Variants in OR9Q1 observed in about 807,000 individuals in gnomAD.
The protein encoded by OR9Q1 is olfactory receptor family 9 subfamily Q member 1, also known as olfactory receptor 9Q1.
For missense variants in OR9Q1, 374 were observed against 378.8 expected, an observed-to-expected ratio of 0.99 and a Z score of 0.11; for synonymous variants, 153 against 148.6, an observed-to-expected ratio of 1.03 and a Z score of -0.22.
intron 1 of OR9Q1, among the ~76,000 whole-genome samples, chr11:58,037,515 T>C (rs1853112114): frequency 6.6e-6 from 1 of 151,492 alleles, no homozygotes; most frequent in Non-Finnish European, 1.5e-5. Context: ...TACTGGGTTA[T>C]GTAGTTTTCA....
chr11:58,024,482 G>C (rs1196612729), intron 1 of OR9Q1, among the ~76,000 whole-genome samples: 1 of 152,160 alleles, frequency 6.6e-6, no homozygotes, highest in African/African-American at 2.4e-5. Flanking sequence ...TTTCTCACCA[G>C]GCTTGTCACG....
At chr11:58,032,411 G>A (rs2441961) in intron 1 of OR9Q1, among the ~76,000 whole-genome samples, 50,597 of 151,960 alleles carry the variant, frequency 0.33, 8,854 homozygotes, top group East Asian at 0.68. Context: ...TGCTAGTACA[G>A]AAACAGACAC....
chr11:58,031,284 T>C (rs145072314), intron 1 of OR9Q1: 15 of 1,614,040 alleles, frequency 9.3e-6, no homozygotes, highest in Non-Finnish European at 1.2e-5. Flanking sequence ...TTCACCTTTC[T>C]TGGGGCAACT....
chr11:58,135,417 T>C (rs934206995), intron 2 of OR9Q1, among the ~76,000 whole-genome samples: 3 of 152,142 alleles, frequency 2.0e-5, no homozygotes, highest in African/African-American at 7.2e-5. Context: ...TTTTTCACCA[T>C]TTAAACATTC....
rs533293688 is a variant in OR9Q1, at chr11:58,107,903, A to G, written c.-15+51956A>G. On this transcript the variant is annotated intron_variant, in intron 2 of 2. Coordinates refer to ENST00000335397, the MANE Select transcript of OR9Q1 (RefSeq NM_001005212.4). ...AATTACTTCTATAATCATAGAGGCT[A>G]TTTTTACCTGAGAAAGTAGTATCAA... is the stretch of plus-strand genomic sequence containing the variant. Among the ~76,000 whole-genome samples, 14 of 152,276 alleles carry G rather than the reference A, an allele frequency of 9.2e-5. 1 individual carries two copies. In the South Asian group the frequency reaches 2.9e-3, roughly 32 times the overall value.
chr11:58,076,141 T>C (rs367834964), intron 2 of OR9Q1, among the ~76,000 whole-genome samples: 1 of 152,250 alleles, frequency 6.6e-6, no homozygotes, highest in Non-Finnish European at 1.5e-5. Context: ...AGAAAACTTT[T>C]TGGCCTCTGC....
chr11:58,081,481 T>G (rs921851699), intron 2 of OR9Q1, among the ~76,000 whole-genome samples: 8 of 152,162 alleles, frequency 5.3e-5, no homozygotes, highest in Admixed American at 2.6e-4. Flanking sequence ...CAGCATCTGT[T>G]GTTCCTTGAG....
chr11:58,137,473 T>G (rs937732695), intron 2 of OR9Q1, among the ~76,000 whole-genome samples: 2 of 152,180 alleles, frequency 1.3e-5, no homozygotes, highest in African/African-American at 4.8e-5. Context: ...GGGGCAGTGT[T>G]TCCAACTCAG....
intron 1 of OR9Q1, among the ~76,000 whole-genome samples, chr11:58,048,183 C>T (rs1853238486): frequency 6.6e-6 from 1 of 152,010 alleles, no homozygotes; most frequent in Non-Finnish European, 1.5e-5. Context: ...TTCTTTGTGC[C>T]AGTTAGGATT....
At chr11:58,080,418 G>A (rs61904045) in intron 2 of OR9Q1, among the ~76,000 whole-genome samples, 26,182 of 152,044 alleles carry the variant, frequency 0.17, 2,389 homozygotes, top group Non-Finnish European at 0.21. Flanking sequence ...TTGATTTCCT[G>A]TCTTTGTATT....
intron 2 of OR9Q1, among the ~76,000 whole-genome samples, chr11:58,065,760 G>A (rs952621063): frequency 3.3e-5 from 5 of 152,200 alleles, no homozygotes; most frequent in South Asian, 2.1e-4. Context: ...GCAAAGGGGG[G>A]CATTGAGACC....
intron 2 of OR9Q1, among the ~76,000 whole-genome samples, chr11:58,115,187 A>C (rs1853940941): frequency 6.6e-6 from 1 of 152,172 alleles, no homozygotes; most frequent in Non-Finnish European, 1.5e-5. Context: ...CACCACAAAA[A>C]TATTTATCAT....
At chr11:58,100,467 T>C (rs1049783075) in intron 2 of OR9Q1, among the ~76,000 whole-genome samples, 1 of 152,326 alleles carries the variant, frequency 6.6e-6, no homozygotes, top group Admixed American at 6.5e-5. Flanking sequence ...AACTTTATCA[T>C]AAATTGTTAT....
chr11:58,171,983 A>G (rs1854559767), intron 2 of OR9Q1, among the ~76,000 whole-genome samples: 2 of 152,162 alleles, frequency 1.3e-5, no homozygotes, highest in African/African-American at 4.8e-5. Flanking sequence ...CCCTTATGTA[A>G]TGACAGCGAC....
intron 2 of OR9Q1, among the ~76,000 whole-genome samples, chr11:58,167,016 C>G (rs920887369): frequency 6.6e-6 from 1 of 150,798 alleles, no homozygotes; most frequent in African/African-American, 2.4e-5. Flanking sequence ...GTTTCCCACT[C>G]CCTCACCCTT....
At chr11:58,136,948 A>G (rs1854194895) in intron 2 of OR9Q1, among the ~76,000 whole-genome samples, 1 of 152,170 alleles carries the variant, frequency 6.6e-6, no homozygotes, top group African/African-American at 2.4e-5. Flanking sequence ...TCGCTTGAGC[A>G]TCTGCCTTTT....
At chr11:58,134,996 C>T (rs1159688230) in intron 2 of OR9Q1, among the ~76,000 whole-genome samples, 2 of 152,110 alleles carry the variant, frequency 1.3e-5, no homozygotes, top group African/African-American at 2.4e-5. Context: ...TGCAACAGAA[C>T]CAACCTTTGT....
intron 2 of OR9Q1, among the ~76,000 whole-genome samples, chr11:58,155,754 G>A (rs536252119): frequency 2.0e-5 from 3 of 152,150 alleles, no homozygotes; most frequent in Non-Finnish European, 4.4e-5. Flanking sequence ...GCTTTCCAAG[G>A]ATGTTGGGAG....
chr11:58,125,821 G>A (rs191233256), intron 2 of OR9Q1, among the ~76,000 whole-genome samples: 29 of 152,232 alleles, frequency 1.9e-4, no homozygotes, highest in Middle Eastern at 3.4e-3. Flanking sequence ...TTGTCTCAAA[G>A]CTCAACTGCA....
Sources: gnomAD v4.1 joint callset for allele counts (sites outside exome capture counted in the v4.1 genomes callset) on GRCh38, gnomAD v4.1.1 for gene constraint, MANE v1.5 for transcripts, NCBI Gene and HGNC (gene_info 2026-07-23, HGNC 2026-07-21) for gene names.